The following VDAC1 variants were observed in gnomAD, a reference collection of about 807,000 sequenced individuals.
VDAC1 encodes non-selective voltage-gated ion channel VDAC1.
VDAC1 carries 10 observed loss-of-function variants against 34.7 expected under a neutral mutation model. That is an observed-to-expected ratio of 0.29 (90% CI 0.18 to 0.49). The LOEUF (loss-of-function observed/expected upper bound fraction) is 0.49. Among genes scored for constraint, VDAC1 ranks in the 20% least tolerant of loss-of-function variants. The pLI is 0.99. For synonymous variants in VDAC1, 130 were observed against 136.0 expected (o/e 0.96, Z 0.30); for missense variants, 230 against 347.9 (o/e 0.66, Z 2.69).
chr5:134,106,554 C>T, the VDAC1 span, among the ~76,000 whole-genome samples: 18 of 151,920 alleles, frequency 1.2e-4, no homozygotes, highest in South Asian at 2.1e-4. Context: ...ATTACAGGTG[C>T]GCGCCTCCAC....
chr5:133,998,153 A>G (rs1348966809), intron 1 of VDAC1, among the ~76,000 whole-genome samples: 1 of 152,122 alleles, frequency 6.6e-6, no homozygotes, highest in Non-Finnish European at 1.5e-5. Flanking sequence ...ATTCCATGTA[A>G]TTGGAGGAAA....
At chr5:134,011,501 C>A in the VDAC1 span, among the ~76,000 whole-genome samples, 3 of 152,084 alleles carry the variant, frequency 2.0e-5, no homozygotes, top group Non-Finnish European at 4.4e-5. Flanking sequence ...CCATTGTACT[C>A]TCTGCTTCTA....
At chr5:133,980,634 TAAAA>T (rs55708320) in intron 6 of VDAC1, 91 bp downstream of exon 6, 75 of 586,138 alleles carry the variant, frequency 1.3e-4, no homozygotes, top group Non-Finnish European at 1.3e-4. Context: ...TGGGCTTTCT[TAAAA>T]AAAAAAAAAA....
the VDAC1 span, among the ~76,000 whole-genome samples, chr5:134,111,743 C>T: frequency 1.4e-4 from 22 of 152,092 alleles, no homozygotes; most frequent in African/African-American, 5.3e-4. Flanking sequence ...CTGCCAAGAC[C>T]ACAAGGCAAA....
chr5:134,004,328 C>T (rs1440202298), intron 1 of VDAC1, among the ~76,000 whole-genome samples: 1 of 151,918 alleles, frequency 6.6e-6, no homozygotes, highest in Non-Finnish European at 1.5e-5. Flanking sequence ...AGACGCGCGG[C>T]CCGCCGGGCC....
the VDAC1 span, among the ~76,000 whole-genome samples, chr5:134,114,236 C>T: frequency 6.6e-6 from 1 of 152,144 alleles, no homozygotes; most frequent in Admixed American, 6.5e-5. Flanking sequence ...CCAACGCTGC[C>T]GGTTCCCTGG....
At chr5:134,106,707 GTCA>G in the VDAC1 span, among the ~76,000 whole-genome samples, 45 of 152,062 alleles carry the variant, frequency 3.0e-4, no homozygotes, top group East Asian at 7.6e-3. Flanking sequence ...CGCCTGGCCC[GTCA>G]TCCTATCTTA....
the VDAC1 span, among the ~76,000 whole-genome samples, chr5:134,034,011 C>G: frequency 6.6e-6 from 1 of 151,592 alleles, no homozygotes; most frequent in Admixed American, 6.6e-5. Flanking sequence ...AGAAAAGAAC[C>G]GAAATATATT....
At chr5:134,037,321 T>G in the VDAC1 span, among the ~76,000 whole-genome samples, 4 of 152,344 alleles carry the variant, frequency 2.6e-5, no homozygotes, top group South Asian at 8.3e-4. Flanking sequence ...TGCCCTGTGT[T>G]CTAAATTTCT....
chr5:133,973,737 G>A, intron 8 of VDAC1, 54 bp downstream of exon 8: 5 of 1,554,372 alleles, frequency 3.2e-6, no homozygotes, highest in Non-Finnish European at 3.5e-6. Context: ...CAGCAAACCA[G>A]CACCACAATT....
At chr5:134,014,065 G>A in the VDAC1 span, among the ~76,000 whole-genome samples, 2 of 151,382 alleles carry the variant, frequency 1.3e-5, no homozygotes. Context: ...CAAGGTGGGC[G>A]GATCACCTGA....
the VDAC1 span, among the ~76,000 whole-genome samples, chr5:134,052,858 T>C: frequency 6.6e-6 from 1 of 152,312 alleles, no homozygotes; most frequent in East Asian, 1.9e-4. Flanking sequence ...GGCTCATGCC[T>C]GTAATCCCAG....
At chr5:134,091,354 T>C in the VDAC1 span, among the ~76,000 whole-genome samples, 2 of 152,184 alleles carry the variant, frequency 1.3e-5, no homozygotes, top group Non-Finnish European at 2.9e-5. Flanking sequence ...TTCCAGGTTT[T>C]CCCCCTAACT....
chr5:134,067,837 G>A, the VDAC1 span, among the ~76,000 whole-genome samples: 1 of 152,146 alleles, frequency 6.6e-6, no homozygotes, highest in Non-Finnish European at 1.5e-5. Flanking sequence ...CTTCACTTCA[G>A]TTGGGCATGA....
At chr5:133,987,586 G>C (rs756387488) in intron 5 of VDAC1, among the ~76,000 whole-genome samples, 111 of 152,236 alleles carry the variant, frequency 7.3e-4, no homozygotes, top group Admixed American at 1.9e-3. Context: ...GCTGAGGAAG[G>C]AGGATTGCTG....
chr5:133,997,707 C>CAA (rs67591375), intron 1 of VDAC1, among the ~76,000 whole-genome samples: 932 of 57,372 alleles, frequency 0.016, 22 homozygotes, highest in African/African-American at 0.028. Flanking sequence ...GACTGTCTCA[C>CAA]AAAAAAAAAA....
the VDAC1 span, among the ~76,000 whole-genome samples, chr5:134,038,150 A>G: frequency 2.6e-5 from 4 of 152,218 alleles, no homozygotes; most frequent in Non-Finnish European, 5.9e-5. Flanking sequence ...AATACAATTC[A>G]AGCAGTGAAA....
chr5:134,110,673 C>G, the VDAC1 span, among the ~76,000 whole-genome samples: 6 of 152,372 alleles, frequency 3.9e-5, no homozygotes, highest in South Asian at 1.2e-3. Flanking sequence ...CAAGCCCCAA[C>G]AGGATGCCAG....
chr5:134,045,788 G>A, the VDAC1 span, among the ~76,000 whole-genome samples: 2 of 151,840 alleles, frequency 1.3e-5, no homozygotes, highest in Non-Finnish European at 2.9e-5. Context: ...AGGTTCAAGT[G>A]ATTCTCCTGC....
Sources: gnomAD v4.1 joint callset for allele counts (sites outside exome capture counted in the v4.1 genomes callset) on GRCh38, gnomAD v4.1.1 for gene constraint, MANE v1.5 for transcripts, NCBI Gene and HGNC (gene_info 2026-07-23, HGNC 2026-07-21) for gene names.